The following ZFAT variants were observed in gnomAD, a reference collection of about 807,000 sequenced individuals.
ZFAT encodes zinc finger and AT-hook domain containing.
Under a neutral mutation model 117.7 loss-of-function variants are expected in ZFAT, and 64 were observed. The ratio of observed to expected loss-of-function variants is 0.54; its 90% CI spans 0.44 to 0.67. ZFAT has a LOEUF of 0.67. ZFAT is among the 30% of genes least tolerant of loss of function. The pLI is 0.00. For synonymous variants in ZFAT, 679 were observed against 615.0 expected, an observed-to-expected ratio of 1.10 and a Z score of -1.54; for missense variants, 1,433 against 1,584.5, an observed-to-expected ratio of 0.90 and a Z score of 1.62.
chr8:134,777,347 T>G, the ZFAT span, among the ~76,000 whole-genome samples: 1 of 152,192 alleles, frequency 6.6e-6, no homozygotes, highest in African/African-American at 2.4e-5. Flanking sequence ...CACTTCTTCT[T>G]GCTTCCTGTA....
intron 5 of ZFAT, among the ~76,000 whole-genome samples, chr8:134,607,326 G>A (rs1827962590): frequency 6.6e-6 from 1 of 152,176 alleles, no homozygotes; most frequent in African/African-American, 2.4e-5. Flanking sequence ...TACAAGAATA[G>A]AGGATTGAAG....
At chr8:134,597,009 T>C (rs1827002022) in intron 7 of ZFAT, among the ~76,000 whole-genome samples, 2 of 151,768 alleles carry the variant, frequency 1.3e-5, no homozygotes, top group Admixed American at 1.3e-4. Flanking sequence ...AAAAAAAAAT[T>C]TGATTTCACA....
intron 9 of ZFAT, among the ~76,000 whole-genome samples, chr8:134,584,994 C>A (rs17769126): frequency 1.3e-5 from 2 of 152,006 alleles, no homozygotes; most frequent in Admixed American, 1.3e-4. Flanking sequence ...TTAGGGCCCA[C>A]GCAAAGCCCA....
At chr8:134,696,941 C>T (rs941718000) in intron 1 of ZFAT, among the ~76,000 whole-genome samples, 1 of 150,094 alleles carries the variant, frequency 6.7e-6, no homozygotes, top group Non-Finnish European at 1.5e-5. Context: ...TTTTTGGAGA[C>T]GAGTCTCGCT....
At chr8:134,585,317 A>T (rs1365554919) in intron 9 of ZFAT, among the ~76,000 whole-genome samples, 1 of 152,146 alleles carries the variant, frequency 6.6e-6, no homozygotes, top group Non-Finnish European at 1.5e-5. Flanking sequence ...AACTACCACA[A>T]CCACAGAGGA....
intron 1 of ZFAT, among the ~76,000 whole-genome samples, chr8:134,695,072 G>A (rs1586963145): frequency 6.6e-6 from 1 of 152,310 alleles, no homozygotes; most frequent in East Asian, 1.9e-4. Flanking sequence ...GGGCTTCAGG[G>A]GAGGGAGCCA....
intron 1 of ZFAT, among the ~76,000 whole-genome samples, chr8:134,661,313 C>T (rs1209381160): frequency 1.3e-5 from 2 of 152,202 alleles, no homozygotes; most frequent in African/African-American, 4.8e-5. Context: ...GGACAGAGAT[C>T]CCCAGCACAG....
At chr8:134,750,161 A>G in the ZFAT span, among the ~76,000 whole-genome samples, 1 of 152,188 alleles carries the variant, frequency 6.6e-6, no homozygotes, top group African/African-American at 2.4e-5. Flanking sequence ...ATCTCTCAGT[A>G]AGTTTTAATT....
chr8:134,512,727 C>T (rs1287998642), intron 13 of ZFAT, 126 bp from the exon 14 acceptor site: 1 of 1,225,718 alleles, frequency 8.2e-7, no homozygotes, highest in Non-Finnish European at 1.1e-6. Context: ...ATCTCATTTA[C>T]CTGGCACCCC....
intron 3 of ZFAT, among the ~76,000 whole-genome samples, chr8:134,624,550 G>A (rs1392528904): frequency 3.9e-5 from 6 of 152,124 alleles, no homozygotes; most frequent in Non-Finnish European, 7.3e-5. Context: ...CCAGCTACTC[G>A]GGAAGCTGAG....
chr8:134,605,905 G>T (rs1194847732), intron 5 of ZFAT, among the ~76,000 whole-genome samples: 1 of 152,196 alleles, frequency 6.6e-6, no homozygotes, highest in Non-Finnish European at 1.5e-5. Context: ...AAAGTAAGCA[G>T]ACAAGGACCA....
intron 2 of ZFAT, among the ~76,000 whole-genome samples, chr8:134,642,837 T>C (rs188167450): frequency 1.3e-5 from 2 of 152,364 alleles, no homozygotes; most frequent in African/African-American, 2.4e-5. Flanking sequence ...CCCTGACGTT[T>C]ATTTCCAAAG....
intron 3 of ZFAT, among the ~76,000 whole-genome samples, chr8:134,611,639 T>G (rs567336639): frequency 9.2e-5 from 14 of 152,208 alleles, no homozygotes; most frequent in Non-Finnish European, 1.6e-4. Flanking sequence ...TGCTGGGTCT[T>G]CTGATGGCTC....
Position 134,602,603 on chromosome 8 carries a change from G to A in ZFAT, c.1116C>T (p.His372=). The A allele has an allele frequency of 1.2e-6, 2 of 1,614,180 alleles. No homozygotes were observed. Among genetic ancestry groups the A allele is most frequent in the Non-Finnish European group, 1.7e-6 (2 of 1,180,044 alleles). Residue 372 remains histidine (H), a synonymous_variant, in exon 6 of 16, where the codon CAC becomes CAT. Transcript: ENST00000377838. ...KYSDVKNLIK[H]IRDAHDPQDK... is the part of the protein sequence containing the mutation. ...CCTGTGGGTCATGCGCGTCTCGGAT[G>A]TGCTTGATGAGGTTCTTGACGTCAG...
chr8:134,610,708 G>A (rs1828268520), intron 3 of ZFAT, 53 bp from the exon 4 acceptor site: 1 of 1,591,990 alleles, frequency 6.3e-7, no homozygotes, highest in South Asian at 1.1e-5. Flanking sequence ...CAGTGGCAGA[G>A]TTGGAGGGTA....
At chr8:134,516,979 TATC>T (rs970572032) in intron 13 of ZFAT, among the ~76,000 whole-genome samples, 36 of 152,204 alleles carry the variant, frequency 2.4e-4, no homozygotes, top group African/African-American at 8.4e-4. Context: ...TTTTTCCAAA[TATC>T]ATTATAAACT....
intron 7 of ZFAT, 135 bp downstream of exon 7, chr8:134,600,301 C>T (rs1332595529): frequency 1.2e-6 from 1 of 832,764 alleles, no homozygotes; most frequent in Non-Finnish European, 2.1e-6. Context: ...GCCACGTGCA[C>T]AGCTGTGTAA....
At chr8:134,653,514 C>T (rs1831412207) in intron 2 of ZFAT, among the ~76,000 whole-genome samples, 1 of 147,284 alleles carries the variant, frequency 6.8e-6, no homozygotes, top group South Asian at 2.1e-4. Context: ...ATCCTCCTCC[C>T]TCAACTTCTC....
At chr8:134,512,647 G>A in intron 13 of ZFAT, 46 bp from the exon 14 acceptor site, 3 of 1,586,594 alleles carry the variant, frequency 1.9e-6, no homozygotes, top group Non-Finnish European at 2.6e-6. Flanking sequence ...AAGATTGACT[G>A]TTGCCCAGAA....
Sources: gnomAD v4.1 joint callset for allele counts (sites outside exome capture counted in the v4.1 genomes callset) on GRCh38, gnomAD v4.1.1 for gene constraint, MANE v1.5 for transcripts, NCBI Gene and HGNC (gene_info 2026-07-23, HGNC 2026-07-21) for gene names.